The following THBS4 variants were observed in gnomAD, a reference collection of about 807,000 sequenced individuals.
THBS4 encodes thrombospondin 4, also known as thrombospondin-4.
In THBS4, 90 loss-of-function variants were observed where a neutral mutation model predicts 115.7. The observed-to-expected ratio is 0.78, with a 90% CI of 0.66 to 0.93. THBS4 has a LOEUF of 0.93. Ranked by LOEUF, THBS4 falls within the 40% of genes least tolerant of loss-of-function variation. The pLI is 0.00. For missense variants in THBS4, 1,087 were observed against 1,232.7 expected, an observed-to-expected ratio of 0.88 and a Z score of 1.77; for synonymous variants, 460 against 479.3, an observed-to-expected ratio of 0.96 and a Z score of 0.53.
chr5:80,078,099 A>G lies in THBS4; in HGVS notation c.2137A>G (p.Ile713Val). Residue 713 changes from isoleucine to valine, a missense_variant, in exon 17 of 22, where the codon ATC becomes GTC. This residue lies in a region of THBS4 where 979 missense variants were observed against 1,103.7 expected (regional missense o/e 0.89). Coordinates refer to ENST00000350881, the MANE Select transcript of THBS4 (RefSeq NM_003248.6). ...CESDFDQDQV[I>V]DRIDVCPENA... ...GTCTGACTTTGACCAGGACCAGGTCATCGATCGGATCGACGTCTGCCCAGA... is the reference window on the plus strand; with the variant it reads ...GTCTGACTTTGACCAGGACCAGGTCGTCGATCGGATCGACGTCTGCCCAGA... 1.2e-6 allele frequency: 2 copies of G among 1,610,218 alleles called. No homozygotes were observed. The highest frequency in any genetic ancestry group is 1.1e-5 in the South Asian group (1 of 90,430).
intron 2 of THBS4, among the ~76,000 whole-genome samples, chr5:80,042,239 A>C (rs1003553688): frequency 4.6e-5 from 7 of 152,234 alleles, no homozygotes. Flanking sequence ...TGAATCAAAC[A>C]GCCCCATTTT....
chr5:80,078,980 G>A lies in THBS4; in HGVS notation c.2314+11G>A. 1 of 1,614,010 alleles carries A rather than the reference G, an allele frequency of 6.2e-7. No individual in the cohort carries two copies. On this transcript the variant is annotated intron_variant, in intron 18 of 21. Transcript: ENST00000350881. ...CTGGCCTGGCAGTGGGTATGTCCAG[G>A]GCCTCAGTTGCCACTCACATAGAAT... is the stretch of plus-strand genomic sequence containing the variant.
Position 80,073,445 on chromosome 5 carries a change from G to A in THBS4, c.1892+118G>A, listed in dbSNP as rs889736550. 9 of 863,032 alleles carry A rather than the reference G, an allele frequency of 1.0e-5. No homozygotes were observed. In the East Asian group the frequency reaches 2.4e-4, roughly 23 times the overall value. The allele number at this position is 863,032 out of a possible 1,614,324, so 53.5% of individuals were successfully genotyped here. A position where few individuals can be genotyped will look rare whatever the true frequency, so the allele number is the denominator to read the frequency against. Reference sequence around the variant, plus strand: ...ATCACCCAGGCTGGAGTACAGTGGTGCAATCTCGGCTCACTGCAAGCTCCG... The same window carrying A: ...ATCACCCAGGCTGGAGTACAGTGGTACAATCTCGGCTCACTGCAAGCTCCG... On this transcript the variant is annotated intron_variant, in intron 15 of 21. Transcript: ENST00000350881.
chr5:80,056,159 C>A, intron 3 of THBS4, 127 bp downstream of exon 3: 1 of 1,192,190 alleles, frequency 8.4e-7, no homozygotes, highest in Non-Finnish European at 1.1e-6. Flanking sequence ...ACATCAGAAT[C>A]ACCTGCGGAG....
intron 2 of THBS4, among the ~76,000 whole-genome samples, chr5:80,021,538 TCTCTGTCATCCAGG>T (rs1316403150): frequency 6.6e-6 from 1 of 150,944 alleles, no homozygotes; most frequent in African/African-American, 2.4e-5. Flanking sequence ...AGAGACAGGG[TCTCTGTCATCCAGG>T]CTGGAGTGTC....
At chr5:80,080,253 C>T in intron 20 of THBS4, 176 bp downstream of exon 20, 1 of 737,444 alleles carries the variant, frequency 1.4e-6, no homozygotes, top group Non-Finnish European at 2.2e-6. Flanking sequence ...AGAAGATATT[C>T]AGGGTCAGAC....
chr5:80,047,157 T>C (rs1232599085), intron 2 of THBS4, among the ~76,000 whole-genome samples: 1 of 152,224 alleles, frequency 6.6e-6, no homozygotes, highest in East Asian at 1.9e-4. Context: ...GAACAGATAC[T>C]GTGATGCAAC....
chr5:80,041,535 C>T (rs1236317920), intron 2 of THBS4, among the ~76,000 whole-genome samples: 3 of 152,146 alleles, frequency 2.0e-5, no homozygotes, highest in Non-Finnish European at 4.4e-5. Context: ...AAGAATATAC[C>T]TCAACCAGTA....
At position 80,061,835 on chromosome 5, in the gene THBS4, A is replaced by C. The variant is rs1349354091; in HGVS notation, c.1125+3A>C. 2.5e-6 allele frequency: 4 copies of C among 1,604,950 alleles called. No individual in the cohort carries two copies. The East Asian group carries it at 8.9e-5, about 36-fold the overall frequency. On this transcript the variant is annotated splice_donor_region_variant and intron_variant, in intron 8 of 21. Coordinates refer to ENST00000350881, the MANE Select transcript of THBS4 (RefSeq NM_003248.6). ...GTTTTGCCAAGTCAAACAAGCAGGT[A>C]GGCTGAAGTCATGGTTTCTATTCAT... is the stretch of plus-strand genomic sequence containing the variant.
intron 7 of THBS4, among the ~76,000 whole-genome samples, chr5:80,060,225 T>C (rs1054561421): frequency 2.6e-5 from 4 of 152,320 alleles, no homozygotes; most frequent in Admixed American, 1.3e-4. Flanking sequence ...ATTTTGTTTT[T>C]CCCCCACTTT....
In THBS4 at chr5:80,070,347, G is replaced by C; in HGVS notation, c.1389G>C (p.Lys463Asn). 1 of 1,609,452 alleles carries C rather than the reference G, an allele frequency of 6.2e-7. No homozygotes were observed. The highest frequency in any genetic ancestry group is 1.1e-5 in the South Asian group (1 of 90,164). Residue 463 changes from lysine to asparagine, a missense_variant, in exon 11 of 22, where the codon AAG becomes AAC. Physicochemically the swap from Lys to Asn is moderately conservative, Grantham distance 94. Coordinates refer to ENST00000350881, the MANE Select transcript of THBS4 (RefSeq NM_003248.6). ...GWAGDGYICG[K>N]DVDIDSYPDE... Reference sequence around the variant, plus strand: ...CTGGAGATGGCTATATCTGTGGAAAGGATGTGGACATCGACAGTTACCCCG... The same window carrying C: ...CTGGAGATGGCTATATCTGTGGAAACGATGTGGACATCGACAGTTACCCCG...
intron 21 of THBS4, 50 bp from the exon 22 acceptor site, chr5:80,083,030 C>T: frequency 6.4e-7 from 1 of 1,561,718 alleles, no homozygotes; most frequent in South Asian, 1.1e-5. Context: ...GGTCCGGGGT[C>T]CGGGGTGGAA....
At chr5:80,019,549 T>C (rs1231538007) in intron 2 of THBS4, 2 of 152,174 alleles carry the variant, frequency 1.3e-5, no homozygotes, top group Non-Finnish European at 2.9e-5. Context: ...TATTGAAGGG[T>C]AAAGTGTCCT....
chr5:80,003,669 T>A (rs1831956423), intron 2 of THBS4, among the ~76,000 whole-genome samples: 1 of 152,236 alleles, frequency 6.6e-6, no homozygotes, highest in Non-Finnish European at 1.5e-5. Flanking sequence ...TATGTATGAA[T>A]GAACCTAAAG....
At chr5:80,067,144 AAG>A (rs1833858311) in intron 9 of THBS4, 1 of 152,148 alleles carries the variant, frequency 6.6e-6, no homozygotes, top group Non-Finnish European at 1.5e-5. Context: ...GAAATCTGCT[AAG>A]AGAGCAGATC....
At chr5:80,032,186 A>T (rs2438604), upstream of THBS4, among the ~76,000 whole-genome samples, 1 of 152,082 alleles carries the variant, frequency 6.6e-6, no homozygotes, top group African/African-American at 2.4e-5. Flanking sequence ...TAGCTAATTA[A>T]ATTAATTTTA....
At position 80,077,012 on chromosome 5, in the gene THBS4, C is replaced by CGGCT. The variant is rs778342803; in HGVS notation, c.2053_2056dup (p.Val686AlafsTer10). ...GGTGCCCCCTGGACCAGACAACTGC[C>CGGCT]GGCTGGTCCCCAACCCAGCCCAGGA... On this transcript the variant is annotated frameshift_variant, in exon 16 of 22. Coordinates refer to ENST00000350881, the MANE Select transcript of THBS4 (RefSeq NM_003248.6). LOFTEE classifies it high-confidence loss of function. The CGGCT allele has an allele frequency of 6.8e-6, 11 of 1,611,412 alleles. No individual in the cohort carries two copies. Among genetic ancestry groups the CGGCT allele is most frequent in the Non-Finnish European group, 8.5e-6 (10 of 1,178,628 alleles).
chr5:80,025,438 A>AT, intron 2 of THBS4, among the ~76,000 whole-genome samples: 1 of 152,288 alleles, frequency 6.6e-6, no homozygotes, highest in East Asian at 1.9e-4. Flanking sequence ...GTGTTGAAAG[A>AT]TTGTGTTCAA....
Position 80,078,241 on chromosome 5 carries a change from G to A in THBS4, c.2265+14G>A, listed in dbSNP as rs780540686. 7.7e-6 allele frequency: 12 copies of A among 1,558,166 alleles called. No individual in the cohort carries two copies. Among genetic ancestry groups the A allele is most frequent in the Non-Finnish European group, 7.0e-6 (8 of 1,143,094 alleles). Reference sequence around the variant, plus strand: ...GTCCTGAACCAGGTGAGTGTCACATGGGCGGCAATGGCTCAGCCTTGCCTC... The same window carrying A: ...GTCCTGAACCAGGTGAGTGTCACATAGGCGGCAATGGCTCAGCCTTGCCTC... On this transcript the variant is annotated intron_variant, in intron 17 of 21. Transcript: ENST00000350881.
Sources: gnomAD v4.1 joint callset for allele counts (sites outside exome capture counted in the v4.1 genomes callset) on GRCh38, gnomAD v4.1.1 for gene constraint, gnomAD v4.1.1 regional missense constraint, MANE v1.5 for transcripts, NCBI Gene and HGNC (gene_info 2026-07-23, HGNC 2026-07-21) for gene names.